TFB1M: variants seen among roughly 807,000 people sequenced by gnomAD.
TFB1M encodes dimethyladenosine transferase 1, mitochondrial.
TFB1M carries 27 observed loss-of-function variants against 31.1 expected under a neutral mutation model. That is an observed-to-expected ratio of 0.87 (90% CI 0.64 to 1.20). The LOEUF (loss-of-function observed/expected upper bound fraction) is 1.20, where lower values mean the gene tolerates loss of function less well. Ranked by LOEUF, TFB1M falls within the 50% of genes most tolerant of loss-of-function variation. The pLI is 0.00. For synonymous variants in TFB1M, 166 were observed against 151.8 expected (o/e 1.09, Z -0.69); for missense variants, 394 against 418.7 (o/e 0.94, Z 0.51).
At chr6:155,253,025 G>A (rs1005495633), downstream of TFB1M, 10 of 1,613,990 alleles carry the variant, frequency 6.2e-6, no homozygotes, top group African/African-American at 5.3e-5. Context: ...CCATCTCCGC[G>A]CTTCAAGTCA....
At chr6:155,262,596 T>C (rs1784439931) in intron 5 of TFB1M, among the ~76,000 whole-genome samples, 1 of 152,200 alleles carries the variant, frequency 6.6e-6, no homozygotes, top group South Asian at 2.1e-4. Flanking sequence ...AGAAATACTC[T>C]TAGCAAAATC....
In TFB1M at chr6:155,297,101, G is replaced by A. The variant is rs372024575; in HGVS notation, c.398C>T (p.Pro133Leu). 33 of 1,613,192 alleles carry A rather than the reference G, an allele frequency of 2.0e-5. No individual in the cohort carries two copies. In the African/African-American group the frequency reaches 4.4e-4, roughly 22 times the overall value. The part of the protein sequence containing the change: ...ESLKRPWEDD[P>L]PNVHIIGNLP... ...ATTTCCAATAATATGTACATTTGGA[G>A]GATCTGGTGGCAGAGGAAAAAACAA... Residue 133 changes from proline to leucine, a missense_variant, in exon 4 of 7, where the codon CCT becomes CTT. Coordinates refer to ENST00000367166, the MANE Select transcript of TFB1M (RefSeq NM_016020.4).
At chr6:155,252,398 G>A (rs527324883), downstream of TFB1M, among the ~76,000 whole-genome samples, 1 of 152,316 alleles carries the variant, frequency 6.6e-6, no homozygotes, top group South Asian at 2.1e-4. Flanking sequence ...GAGCCCAGGA[G>A]GTGGAAGCTG....
intron 5 of TFB1M, among the ~76,000 whole-genome samples, chr6:155,269,589 T>G (rs1176482987): frequency 6.6e-6 from 1 of 152,162 alleles, no homozygotes; most frequent in Non-Finnish European, 1.5e-5. Flanking sequence ...CCCAAAGTGT[T>G]GGGATTACAG....
chr6:155,278,395 T>C (rs1183858954), intron 5 of TFB1M, among the ~76,000 whole-genome samples: 1 of 152,264 alleles, frequency 6.6e-6, no homozygotes, highest in Non-Finnish European at 1.5e-5. Flanking sequence ...ATGTGTACTG[T>C]GTAAAAACGC....
the TFB1M span, among the ~76,000 whole-genome samples, chr6:155,248,409 C>T: frequency 4.6e-5 from 7 of 152,222 alleles, no homozygotes; most frequent in Non-Finnish European, 8.8e-5. Flanking sequence ...TGATCTCATC[C>T]GGGTAGCGCC....
intron 5 of TFB1M, chr6:155,276,633 C>T (rs1562399446): frequency 5.4e-6 from 2 of 373,620 alleles, no homozygotes; most frequent in Non-Finnish European, 9.5e-6. Flanking sequence ...GTTCTGATTA[C>T]ATTCATAAGG....
At chr6:155,234,959 G>C in the TFB1M span, among the ~76,000 whole-genome samples, 22 of 151,908 alleles carry the variant, frequency 1.4e-4, no homozygotes, top group Non-Finnish European at 2.4e-4. Flanking sequence ...GGGCTGTGCG[G>C]ACAGCTAGAG....
At chr6:155,292,112 C>A (rs1347471179) in intron 4 of TFB1M, among the ~76,000 whole-genome samples, 4 of 152,104 alleles carry the variant, frequency 2.6e-5, no homozygotes, top group African/African-American at 9.7e-5. Context: ...GGACTGGAGG[C>A]CCTTCTCAGG....
intron 5 of TFB1M, among the ~76,000 whole-genome samples, chr6:155,265,196 G>T (rs1784574134): frequency 6.6e-6 from 1 of 152,166 alleles, no homozygotes; most frequent in Non-Finnish European, 1.5e-5. Context: ...GCCCAGCCGG[G>T]CCATGGGTGT....
At chr6:155,252,692 G>A (rs538114160), downstream of TFB1M, among the ~76,000 whole-genome samples, 11 of 152,300 alleles carry the variant, frequency 7.2e-5, no homozygotes, top group South Asian at 4.1e-4. Context: ...GCGTCAGGGC[G>A]TGGAAGCTTT....
At chr6:155,293,256 T>C (rs975478762) in intron 4 of TFB1M, among the ~76,000 whole-genome samples, 1 of 152,012 alleles carries the variant, frequency 6.6e-6, no homozygotes, top group Non-Finnish European at 1.5e-5. Context: ...TTAGAGATAA[T>C]TTTTTTTCAT....
rs1168188954 is a variant in TFB1M at position 155,280,333 on chromosome 6, T to A, written c.666+4825A>T. ...CTCCCAGAGATGGAGCTGCCTCTAC[T>A]GGGAAGTGACTGCCCCACTGCTCCC... On this transcript the variant is annotated intron_variant, in intron 5 of 6. Transcript: ENST00000367166. Among the ~76,000 whole-genome samples, 7 of 152,280 alleles carry A rather than the reference T, an allele frequency of 4.6e-5. No individual in the cohort carries two copies. The East Asian group carries it at 1.4e-3, about 29-fold the overall frequency.
At chr6:155,247,389 C>T in the TFB1M span, among the ~76,000 whole-genome samples, 3 of 152,060 alleles carry the variant, frequency 2.0e-5, no homozygotes, top group Non-Finnish European at 2.9e-5. Context: ...AGTGCAGTGG[C>T]GCGATCTTGG....
At chr6:155,283,665 A>C (rs926097491) in intron 5 of TFB1M, among the ~76,000 whole-genome samples, 1 of 152,196 alleles carries the variant, frequency 6.6e-6, no homozygotes. Context: ...TATCTATCCT[A>C]AGAACCCGTT....
At chr6:155,280,421 C>T (rs1190058569) in intron 5 of TFB1M, among the ~76,000 whole-genome samples, 1 of 152,172 alleles carries the variant, frequency 6.6e-6, no homozygotes, top group Non-Finnish European at 1.5e-5. Flanking sequence ...AACACAGACG[C>T]GTGGGGCAAT....
downstream of TFB1M, chr6:155,254,351 C>T (rs530985326): frequency 1.3e-5 from 20 of 1,566,104 alleles, no homozygotes; most frequent in East Asian, 1.4e-4. Flanking sequence ...GGAACACAGG[C>T]GGGCGTGGAA....
At position 155,314,432 on chromosome 6, in the gene TFB1M, A is replaced by G; in HGVS notation, c.-4T>C. 2 of 1,614,120 alleles carry G rather than the reference A, an allele frequency of 1.2e-6. No individual in the cohort carries two copies. The highest frequency in any genetic ancestry group is 1.7e-6 in the Non-Finnish European group (2 of 1,179,978). Reference sequence around the variant, plus strand: ...TGAGTTTTCCGGAGGCAGCCATGATACGCGGCAAGCACCATCCAACCCTAC... The same window carrying G: ...TGAGTTTTCCGGAGGCAGCCATGATGCGCGGCAAGCACCATCCAACCCTAC... On this transcript the variant is annotated 5_prime_UTR_variant, in exon 1 of 7. Coordinates refer to ENST00000367166, the MANE Select transcript of TFB1M (RefSeq NM_016020.4).
At chr6:155,233,288 T>C in the TFB1M span, among the ~76,000 whole-genome samples, 1 of 152,206 alleles carries the variant, frequency 6.6e-6, no homozygotes, top group Non-Finnish European at 1.5e-5. Flanking sequence ...AAAGTTGTTG[T>C]GATCAAGGGA....
Sources: gnomAD v4.1 joint callset for allele counts (sites outside exome capture counted in the v4.1 genomes callset) on GRCh38, gnomAD v4.1.1 for gene constraint, MANE v1.5 for transcripts, NCBI Gene and HGNC (gene_info 2026-07-23, HGNC 2026-07-21) for gene names.